Variants in ZNF518B observed in about 807,000 individuals in gnomAD.
ZNF518B encodes the protein zinc finger protein 518B.
In ZNF518B, 23 loss-of-function variants were observed where a neutral mutation model predicts 56.3. That is an observed-to-expected ratio of 0.41 (90% CI 0.29 to 0.58). The LOEUF (loss-of-function observed/expected upper bound fraction) is 0.58, where lower values mean the gene tolerates loss of function less well. Among genes scored for constraint, ZNF518B ranks in the 20% least tolerant of loss-of-function variants. ZNF518B has a pLI of 0.32. For synonymous variants in ZNF518B, 529 were observed against 465.9 expected (o/e 1.14, Z -1.74); for missense variants, 1,460 against 1,272.1 (o/e 1.15, Z -2.25).
rs1010891597 is a variant in ZNF518B at position 10,442,850 on chromosome 4, T to C, written c.*254A>G. ...GTCTCAGATCCCACTGAAAATCTGT[T>C]CAGTTTCACAGGCTCTCTCCAGAAA... On this transcript the variant is annotated 3_prime_UTR_variant, in exon 3 of 3. Coordinates refer to ENST00000326756, the MANE Select transcript of ZNF518B (RefSeq NM_053042.3). 3 of 423,116 alleles carry C rather than the reference T, an allele frequency of 7.1e-6. No individual in the cohort carries two copies. The highest frequency in any genetic ancestry group is 5.9e-5 in the African/African-American group (3 of 50,712). 26.2% of individuals were successfully genotyped at this position (423,116 alleles called of 1,614,324 possible). A position where few individuals can be genotyped will look rare whatever the true frequency, so the allele number is the denominator to read the frequency against.
intron 2 of ZNF518B, among the ~76,000 whole-genome samples, chr4:10,448,655 A>C (rs959687122): frequency 6.6e-6 from 1 of 151,956 alleles, no homozygotes; most frequent in African/African-American, 2.4e-5. Flanking sequence ...GCAGGGTTGC[A>C]GTGGGGGGCT....
In ZNF518B at chr4:10,444,142, A is replaced by G; in HGVS notation, c.2187T>C (p.Asn729=). The G allele has an allele frequency of 6.2e-7, 1 of 1,614,216 alleles. No homozygotes were observed. The highest frequency in any genetic ancestry group is 8.5e-7 in the Non-Finnish European group (1 of 1,180,042). Residue 729 remains asparagine (N), a synonymous_variant, in exon 3 of 3, where the codon AAT becomes AAC. Transcript: ENST00000326756. ...HSTGTLQKPP[N]DGGITGNRQL... ...GTCTATTACCAGTAATACCACCATCATTCGGAGGTTTCTGAAGAGTACCTG... is the reference window on the plus strand; with the variant it reads ...GTCTATTACCAGTAATACCACCATCGTTCGGAGGTTTCTGAAGAGTACCTG...
chr4:10,446,225 G>C lies in ZNF518B; in HGVS notation c.104C>G (p.Pro35Arg), dbSNP rs766880531. ...KQPDANGAPR[P>R]NRQEAQTLLY... is the part of the protein sequence containing the mutation. ...AAGGGTTTGTGCTTCTTGTCTATTT[G>C]GCCGAGGTGCTCCATTAGCATCAGG... Residue 35 changes from proline (P) to arginine (R), a missense_variant, in exon 3 of 3, where the codon CCA (proline) becomes CGA (arginine). Physicochemically the swap from Pro to Arg is moderately radical, Grantham distance 103 (BLOSUM62 -2). Coordinates refer to ENST00000326756, the MANE Select transcript of ZNF518B (RefSeq NM_053042.3). 6 of 1,614,202 alleles carry C rather than the reference G, an allele frequency of 3.7e-6. No individual in the cohort carries two copies. In the East Asian group the frequency reaches 1.3e-4, roughly 36 times the overall value.
upstream of ZNF518B, among the ~76,000 whole-genome samples, chr4:10,460,071 G>C (rs140276902): frequency 6.6e-6 from 1 of 151,920 alleles, no homozygotes; most frequent in South Asian, 2.1e-4. Flanking sequence ...TTGGGAGGCC[G>C]AGGCGGGCAG....
chr4:10,443,811 C>T lies in ZNF518B; in HGVS notation c.2518G>A (p.Glu840Lys), dbSNP rs780296751. 15 of 1,614,008 alleles carry T rather than the reference C, an allele frequency of 9.3e-6. No homozygotes were observed. Among genetic ancestry groups the T allele is most frequent in the African/African-American group, 5.3e-5 (4 of 74,904 alleles). Reference protein sequence around the residue: ...RGPIDMSPNIETPLRPKLRKE... With the variant: ...RGPIDMSPNIKTPLRPKLRKE... ...CTCAGTTTAGGCCGCAGAGGTGTCT[C>T]GATATTTGGGGACATATCTATTGGC... is the stretch of plus-strand genomic sequence containing the variant. Residue 840 changes from glutamate to lysine, a missense_variant, in exon 3 of 3, where the codon GAG (glutamate) becomes AAG (lysine). Coordinates refer to ENST00000326756, the MANE Select transcript of ZNF518B (RefSeq NM_053042.3).
chr4:10,443,978 G>A lies in ZNF518B; in HGVS notation c.2351C>T (p.Ser784Phe). The A allele has an allele frequency of 1.2e-6, 2 of 1,614,212 alleles. No homozygotes were observed. Among genetic ancestry groups the A allele is most frequent in the South Asian group, 1.1e-5 (1 of 91,086 alleles). ...KGAVLRVLNS[S>F]ENAHIIEATC... Reference sequence around the variant, plus strand: ...AGCCTCTATGATGTGGGCATTCTCAGAGGAATTAAGAACCCTCAACACAGC... The same window carrying A: ...AGCCTCTATGATGTGGGCATTCTCAAAGGAATTAAGAACCCTCAACACAGC... The change falls in exon 3 of 3, where the codon TCT becomes TTT. Residue 784 changes from serine to phenylalanine, a missense_variant. Ser to Phe is a radical substitution (Grantham distance 155). Coordinates refer to ENST00000326756, the MANE Select transcript of ZNF518B (RefSeq NM_053042.3).
In ZNF518B at chr4:10,444,725, G is replaced by C. The variant is rs1350120350; in HGVS notation, c.1604C>G (p.Ala535Gly). ...CTTTTCTCCAGAGAAGGAACAGGTT[G>C]CAGGTGATGCAGCAAATGGGAGTAA... ...QQLLPFAASP[A>G]TCSFSGEKGL... The change falls in exon 3 of 3, where the codon GCA (alanine) becomes GGA (glycine). Residue 535 changes from alanine (A) to glycine (G), a missense_variant. Transcript: ENST00000326756. 2.5e-6 allele frequency: 4 copies of C among 1,614,176 alleles called. No homozygotes were observed. The highest frequency in any genetic ancestry group is 2.5e-6 in the Non-Finnish European group (3 of 1,180,006).
rs527644038 is a variant in ZNF518B, at chr4:10,443,675, G to C, written c.2654C>G (p.Ser885Cys). The change falls in exon 3 of 3, where the codon TCT becomes TGT. Residue 885 changes from serine (S) to cysteine (C), a missense_variant. By Grantham distance (112) the Ser-to-Cys change is moderately radical (BLOSUM62 -1). Transcript: ENST00000326756. The part of the protein sequence containing the change: ...KQGRLLSRSL[S>C]ISRNKTKQVH... ...TTGTTTGGTTTTATTTCTACTTATA[G>C]AAAGACTTCTGGAAAGCAGTCTCCC... is the stretch of plus-strand genomic sequence containing the variant. 6.8e-6 allele frequency: 11 copies of C among 1,614,022 alleles called. No homozygotes were observed. Among genetic ancestry groups the C allele is most frequent in the African/African-American group, 5.3e-5 (4 of 75,000 alleles).
At position 10,444,010 on chromosome 4, in the gene ZNF518B, G is replaced by C. The variant is rs142624746; in HGVS notation, c.2319C>G (p.Pro773=). Residue 773 remains proline, a synonymous_variant, in exon 3 of 3, where the codon CCC becomes CCG. Transcript: ENST00000326756. ...TAAGAACCCTCAACACAGCCCCTTT[G>C]GGGATTAACACTGGCGTGGCAACAT... ...KAHVATPVLI[P]KGAVLRVLNS... 156 of 1,614,210 alleles carry C rather than the reference G, an allele frequency of 9.7e-5. No homozygotes were observed. The African/African-American group carries it at 1.9e-3, about 20-fold the overall frequency.
At chr4:10,454,660 TA>T (rs1243771959) in intron 2 of ZNF518B, 144 bp downstream of exon 2, 3 of 152,248 alleles carry the variant, frequency 2.0e-5, no homozygotes, top group African/African-American at 7.2e-5. Context: ...CTGGAGAAGC[TA>T]TATGGCTTTT....
At chr4:10,455,324 C>T (rs1467227459) in intron 1 of ZNF518B, among the ~76,000 whole-genome samples, 1 of 152,158 alleles carries the variant, frequency 6.6e-6, no homozygotes, top group Non-Finnish European at 1.5e-5. Flanking sequence ...TTGCAGTTAG[C>T]TGAGTTTGCA....
chr4:10,456,700 C>T (rs959596353), intron 1 of ZNF518B, among the ~76,000 whole-genome samples: 2 of 152,206 alleles, frequency 1.3e-5, no homozygotes, highest in Non-Finnish European at 2.9e-5. Context: ...ATCGTCGTCT[C>T]CCAGGCGCGT....
Position 10,445,089 on chromosome 4 carries a change from T to G in ZNF518B, c.1240A>C (p.Lys414Gln). 6.2e-7 allele frequency: 1 copy of G among 1,614,200 alleles called. No homozygotes were observed. Among genetic ancestry groups the G allele is most frequent in the Non-Finnish European group, 8.5e-7 (1 of 1,180,030 alleles). Reference protein sequence around the residue: ...KSLTVDGNVGKLVGIDSFQPS... With the variant: ...KSLTVDGNVGQLVGIDSFQPS... The stretch of plus-strand genomic sequence containing the variant: ...TGAAAACTATCAATGCCTACGAGTT[T>G]TCCAACATTCCCGTCAACTGTCAGT... The change falls in exon 3 of 3, where the codon AAA becomes CAA. Residue 414 changes from lysine to glutamine, a missense_variant. Transcript: ENST00000326756.
intron 2 of ZNF518B, among the ~76,000 whole-genome samples, chr4:10,448,338 T>C (rs761435346): frequency 6.6e-6 from 1 of 152,042 alleles, no homozygotes; most frequent in African/African-American, 2.4e-5. Context: ...CCAAGAGCCA[T>C]ATAAAGGTAG....
At chr4:10,455,499 T>C (rs1324919943) in intron 1 of ZNF518B, among the ~76,000 whole-genome samples, 1 of 152,224 alleles carries the variant, frequency 6.6e-6, no homozygotes, top group East Asian at 1.9e-4. Context: ...AATGAATGAA[T>C]GAAAGAGCAG....
chr4:10,459,805 T>A (rs899473086), upstream of ZNF518B, among the ~76,000 whole-genome samples: 1 of 152,142 alleles, frequency 6.6e-6, no homozygotes, highest in African/African-American at 2.4e-5. Context: ...AGAGGGAGCA[T>A]GGCCCTGTGG....
rs573111936 is a variant in ZNF518B at position 10,457,335 on chromosome 4, G to C, written c.-414C>G. 3.7e-3 allele frequency: 570 copies of C among 152,020 alleles called. 1 individual carries two copies. The highest frequency in any genetic ancestry group is 6.5e-3 in the Non-Finnish European group (440 of 67,974). The allele number at this position is 152,020 out of a possible 1,614,324, so 9.4% of individuals were successfully genotyped here. Reference sequence around the variant, plus strand: ...TACTTACCCGGCAGGCCGGATTCGGGTGCCAGGTCCCGGCGAAGGGGCGTC... The same window carrying C: ...TACTTACCCGGCAGGCCGGATTCGGCTGCCAGGTCCCGGCGAAGGGGCGTC... On this transcript the variant is annotated 5_prime_UTR_variant, in exon 1 of 3. Coordinates refer to ENST00000326756, the MANE Select transcript of ZNF518B (RefSeq NM_053042.3).
intron 2 of ZNF518B, among the ~76,000 whole-genome samples, chr4:10,449,237 T>C (rs1715200070): frequency 1.3e-5 from 2 of 152,098 alleles, no homozygotes; most frequent in Admixed American, 1.3e-4. Flanking sequence ...ATGGACAATT[T>C]CCCAGGCTTC....
chr4:10,445,629 C>T lies in ZNF518B; in HGVS notation c.700G>A (p.Gly234Arg), dbSNP rs138906703. The T allele has an allele frequency of 1.8e-5, 29 of 1,613,914 alleles. No homozygotes were observed. Among genetic ancestry groups the T allele is most frequent in the Middle Eastern group, 3.3e-4 (2 of 6,084 alleles). ...AVAKLEPKRT[G>R]TSKQNPELLK... Reference sequence around the variant, plus strand: ...AGCTCTGGGTTTTGTTTTGAAGTTCCGGTTCTTTTTGGCTCCAGCTTGGCA... The same window carrying T: ...AGCTCTGGGTTTTGTTTTGAAGTTCTGGTTCTTTTTGGCTCCAGCTTGGCA... Residue 234 changes from glycine to arginine, a missense_variant, in exon 3 of 3, where the codon GGA becomes AGA. Transcript: ENST00000326756.
Sources: allele counts gnomAD v4.1 joint callset (sites outside exome capture counted in the v4.1 genomes callset), GRCh38; gene constraint gnomAD v4.1.1; transcripts MANE v1.5; gene names NCBI Gene and HGNC (gene_info 2026-07-23, HGNC 2026-07-21).